FAM118A: variants seen among roughly 807,000 people sequenced by gnomAD.
FAM118A encodes the protein protein FAM118A.
Under a neutral mutation model 38.2 loss-of-function variants are expected in FAM118A, and 25 were observed. The ratio of observed to expected loss-of-function variants is 0.65; its 90% CI spans 0.48 to 0.91. The LOEUF (loss-of-function observed/expected upper bound fraction) is 0.91, where lower values mean the gene tolerates loss of function less well. Ranked by LOEUF, FAM118A falls within the 40% of genes least tolerant of loss-of-function variation. The pLI, the probability that FAM118A is intolerant of heterozygous loss-of-function variation, is 0.00. For synonymous variants in FAM118A, 178 were observed against 184.1 expected (o/e 0.97, Z 0.27); for missense variants, 425 against 463.3 (o/e 0.92, Z 0.76).
rs2146626721 is a variant in FAM118A at position 45,322,487 on chromosome 22, A to C, written c.47+61A>C. On this transcript the variant is annotated intron_variant, in intron 2 of 8. Coordinates refer to ENST00000441876, the MANE Select transcript of FAM118A (RefSeq NM_017911.4). ...TTGACTTCATCTAGCGTCTCTCGTGAGTGTGCGCACTCGTTCTTTAGTACC... is the reference window on the plus strand; with the variant it reads ...TTGACTTCATCTAGCGTCTCTCGTGCGTGTGCGCACTCGTTCTTTAGTACC... 3 of 1,434,932 alleles carry C rather than the reference A, an allele frequency of 2.1e-6. No homozygotes were observed. The South Asian group carries it at 3.7e-5, about 17-fold the overall frequency. The allele number at this position is 1,434,932 out of a possible 1,614,324, so 88.9% of individuals were successfully genotyped here.
At chr22:45,338,709 ACT>A (rs1283101368) in intron 8 of FAM118A, among the ~76,000 whole-genome samples, 1 of 152,118 alleles carries the variant, frequency 6.6e-6, no homozygotes. Flanking sequence ...AAAGTAAAAC[ACT>A]CTTAAATACC....
At chr22:45,315,769 G>T (rs936493995) in intron 1 of FAM118A, among the ~76,000 whole-genome samples, 2 of 152,048 alleles carry the variant, frequency 1.3e-5, no homozygotes, top group Non-Finnish European at 2.9e-5. Context: ...TACCTGGCTG[G>T]GGAAAGGGTG....
intron 1 of FAM118A, among the ~76,000 whole-genome samples, chr22:45,320,720 G>A (rs564347234): frequency 4.8e-4 from 73 of 152,290 alleles, no homozygotes; most frequent in African/African-American, 1.7e-3. Flanking sequence ...TTACAGATGT[G>A]AGCCAGCGTA....
At chr22:45,315,261 A>G (rs1461611225) in intron 1 of FAM118A, among the ~76,000 whole-genome samples, 6 of 152,238 alleles carry the variant, frequency 3.9e-5, no homozygotes, top group African/African-American at 1.4e-4. Context: ...TCATTACAAA[A>G]TAAGGCATTT....
At chr22:45,324,464 T>A (rs777567181) in intron 3 of FAM118A, among the ~76,000 whole-genome samples, 13 of 152,240 alleles carry the variant, frequency 8.5e-5, no homozygotes, top group Non-Finnish European at 1.5e-4. Context: ...ATACACCGCT[T>A]CTGTTTCATC....
chr22:45,311,471 G>A (rs558029561), intron 1 of FAM118A, among the ~76,000 whole-genome samples: 35 of 152,356 alleles, frequency 2.3e-4, no homozygotes, highest in African/African-American at 7.5e-4. Flanking sequence ...GGGGAGAAGT[G>A]AGGGAAGTGT....
intron 1 of FAM118A, among the ~76,000 whole-genome samples, chr22:45,312,192 A>G (rs2084399119): frequency 6.6e-6 from 1 of 152,238 alleles, no homozygotes; most frequent in African/African-American, 2.4e-5. Context: ...CATTTGTGCA[A>G]GAGACACCAA....
intron 8 of FAM118A, among the ~76,000 whole-genome samples, chr22:45,339,276 G>A (rs1008440026): frequency 6.6e-6 from 1 of 152,158 alleles, no homozygotes; most frequent in Non-Finnish European, 1.5e-5. Flanking sequence ...GGCGCCTACT[G>A]TAGTCCCAGC....
intron 5 of FAM118A, 63 bp downstream of exon 5, chr22:45,330,794 T>C (rs1046579176): frequency 2.1e-6 from 3 of 1,431,526 alleles, no homozygotes; most frequent in African/African-American, 2.9e-5. Flanking sequence ...CCACTGGCCA[T>C]TGGCTGCAGT....
chr22:45,323,050 T>TGTGTGTGTGA (rs2084988406), intron 2 of FAM118A, 125 bp from the exon 3 acceptor site: 1 of 951,442 alleles, frequency 1.1e-6, no homozygotes, highest in African/African-American at 1.7e-5. Context: ...ACTGTGTGTG[T>TGTGTGTGTGA]GTGTGTGTGT....
chr22:45,330,566 AGGAT>A, intron 4 of FAM118A, 33 bp from the exon 5 acceptor site: 1 of 1,487,336 alleles, frequency 6.7e-7, no homozygotes, highest in Non-Finnish European at 9.0e-7. Context: ...AAACAGTTTG[AGGAT>A]GTGTTTCTTT....
rs1422486984 is a variant in FAM118A, at chr22:45,327,939, C to A, written c.398C>A (p.Ser133Ter). The change falls in exon 4 of 9, where the codon TCG becomes TAG. Residue 133 changes from serine to a stop codon, truncating the protein, a stop_gained. Transcript: ENST00000441876. LOFTEE classifies it high-confidence loss of function. ...QHIRSPVVLQ[S>*]ILSLMDRGAM... is the part of the protein sequence containing the mutation. ...ATCCGGAGTCCTGTGGTGCTGCAGT[C>A]GATCCTCAGCCTGATGGACAGGGGC... 2 of 1,614,160 alleles carry A rather than the reference C, an allele frequency of 1.2e-6. No individual in the cohort carries two copies. The highest frequency in any genetic ancestry group is 1.7e-6 in the Non-Finnish European group (2 of 1,180,006).
In FAM118A at chr22:45,332,681, C is replaced by A; in HGVS notation, c.908C>A (p.Ala303Asp). ...TTTCCAGGATATGTGCAAGACCTTGCCACTCAGATCTGCAAACAGCAAAGC... is the reference window on the plus strand; with the variant it reads ...TTTCCAGGATATGTGCAAGACCTTGACACTCAGATCTGCAAACAGCAAAGC... ...DHFPGYVQDLATQICKQQSPD... is the reference protein window; with the variant it reads ...DHFPGYVQDLDTQICKQQSPD... The change falls in exon 6 of 9, where the codon GCC (alanine) becomes GAC (aspartate). Residue 303 changes from alanine (A) to aspartate (D), a missense_variant. Ala to Asp is a moderately radical substitution (Grantham distance 126). Transcript: ENST00000441876. 1 of 1,609,366 alleles carries A rather than the reference C, an allele frequency of 6.2e-7. No individual in the cohort carries two copies. Among genetic ancestry groups the A allele is most frequent in the Non-Finnish European group, 8.5e-7 (1 of 1,176,708 alleles).
chr22:45,320,945 G>A (rs1317358112), intron 1 of FAM118A, among the ~76,000 whole-genome samples: 1 of 152,050 alleles, frequency 6.6e-6, no homozygotes, highest in African/African-American at 2.4e-5. Flanking sequence ...TCGGTGGTCA[G>A]GGTGTTATAC....
At chr22:45,324,738 C>G (rs2085135388) in intron 3 of FAM118A, among the ~76,000 whole-genome samples, 1 of 152,200 alleles carries the variant, frequency 6.6e-6, no homozygotes, top group South Asian at 2.1e-4. Flanking sequence ...TTCTGGCCCA[C>G]AAGGCCTAAA....
In FAM118A at chr22:45,330,674, C is replaced by G. The variant is rs1025150194; in HGVS notation, c.594C>G (p.Cys198Trp). ...TTCACGGCCTCTACACGGACCCCTG[C>G]GGGGTGGTGCTGGACCCATCGGGGT... ...LHIHGLYTDP[C>W]GVVLDPSGYK... The change falls in exon 5 of 9, where the codon TGC becomes TGG. Residue 198 changes from cysteine to tryptophan, a missense_variant. Physicochemically the swap from Cys to Trp is radical, Grantham distance 215. Coordinates refer to ENST00000441876, the MANE Select transcript of FAM118A (RefSeq NM_017911.4). 6 of 1,604,606 alleles carry G rather than the reference C, an allele frequency of 3.7e-6. No homozygotes were observed. The highest frequency in any genetic ancestry group is 5.1e-6 in the Non-Finnish European group (6 of 1,176,630).
At chr22:45,310,536 G>C (rs1370979091) in intron 1 of FAM118A, among the ~76,000 whole-genome samples, 1 of 152,166 alleles carries the variant, frequency 6.6e-6, no homozygotes. Flanking sequence ...GTGGTTCCCA[G>C]TGTCCTTAGC....
intron 3 of FAM118A, among the ~76,000 whole-genome samples, chr22:45,325,298 C>T (rs879321414): frequency 1.3e-5 from 2 of 152,138 alleles, no homozygotes; most frequent in Non-Finnish European, 2.9e-5. Flanking sequence ...CATCAGGAAG[C>T]GTTGAGGTGA....
At chr22:45,333,118 C>T (rs2085843191) in intron 6 of FAM118A, among the ~76,000 whole-genome samples, 1 of 152,182 alleles carries the variant, frequency 6.6e-6, no homozygotes, top group Non-Finnish European at 1.5e-5. Context: ...ATGGAACCCA[C>T]ATACCCCTAA....
Sources: allele counts gnomAD v4.1 joint callset (sites outside exome capture counted in the v4.1 genomes callset), GRCh38; gene constraint gnomAD v4.1.1; transcripts MANE v1.5; gene names NCBI Gene and HGNC (gene_info 2026-07-23, HGNC 2026-07-21).